The following PCDHAC1 variants were observed in gnomAD, a reference collection of about 807,000 sequenced individuals.
PCDHAC1 encodes protocadherin alpha subfamily C, 1.
A neutral mutation model predicts 60.0 loss-of-function variants in PCDHAC1; 42 were observed. The ratio of observed to expected loss-of-function variants is 0.70; its 90% CI spans 0.55 to 0.90. The LOEUF (loss-of-function observed/expected upper bound fraction) is 0.90. Among genes scored for constraint, PCDHAC1 ranks in the 40% least tolerant of loss-of-function variants. PCDHAC1 has a pLI of 0.00. For synonymous variants in PCDHAC1, 468 were observed against 499.3 expected, an observed-to-expected ratio of 0.94 and a Z score of 0.84; for missense variants, 1,160 against 1,222.3, an observed-to-expected ratio of 0.95 and a Z score of 0.76.
intron 1 of PCDHAC1, among the ~76,000 whole-genome samples, chr5:140,950,208 C>G (rs1377059178): frequency 1.3e-5 from 2 of 151,900 alleles, no homozygotes; most frequent in Non-Finnish European, 2.9e-5. Context: ...TTCTGTTTAC[C>G]TAGTCATTTA....
At chr5:140,972,334 A>G (rs2153793460) in intron 1 of PCDHAC1, among the ~76,000 whole-genome samples, 1 of 151,024 alleles carries the variant, frequency 6.6e-6, no homozygotes, top group Admixed American at 6.6e-5. Flanking sequence ...TTTTTGGAAG[A>G]GATGGGGGTC....
chr5:141,010,124 G>A lies in PCDHAC1; in HGVS notation c.*187G>A. ...GGTTTTGTCGTAAAAGCTTTACTAAGTCTGGTGTTAACTCTTTCTCTCCAC... is the reference window on the plus strand; with the variant it reads ...GGTTTTGTCGTAAAAGCTTTACTAAATCTGGTGTTAACTCTTTCTCTCCAC... On this transcript the variant is annotated 3_prime_UTR_variant, in exon 4 of 4. Coordinates refer to ENST00000253807, the MANE Select transcript of PCDHAC1 (RefSeq NM_018898.5). The A allele has an allele frequency of 1.2e-6, 2 of 1,605,172 alleles. No homozygotes were observed. The highest frequency in any genetic ancestry group is 1.7e-6 in the Non-Finnish European group (2 of 1,175,146).
chr5:140,980,824 A>G (rs2096907010), intron 2 of PCDHAC1, among the ~76,000 whole-genome samples: 1 of 152,192 alleles, frequency 6.6e-6, no homozygotes, highest in Non-Finnish European at 1.5e-5. Flanking sequence ...ATATTAAATG[A>G]GTTGTGAACC....
At chr5:140,990,314 C>G (rs1295117014) in intron 3 of PCDHAC1, among the ~76,000 whole-genome samples, 1 of 152,094 alleles carries the variant, frequency 6.6e-6, no homozygotes, top group East Asian at 1.9e-4. Flanking sequence ...AAAAAACCAA[C>G]CAAACAAACT....
rs144770143 is a variant in PCDHAC1 at position 140,947,157 on chromosome 5, G to A, written c.2433+17832G>A. Among the ~76,000 whole-genome samples the A allele has an allele frequency of 6.6e-3, 992 of 151,208 alleles. 6 individuals are homozygous for A. The highest frequency in any genetic ancestry group is 0.022 in the African/African-American group (913 of 41,346). ...TAAAATGTATAGTTACTTCCACGGG[G>A]TAGAAAATGTGGTATATATTCATGG... On this transcript the variant is annotated intron_variant, in intron 1 of 3. Transcript: ENST00000253807.
chr5:141,010,312 G>C lies in PCDHAC1; in HGVS notation c.*375G>C. On this transcript the variant is annotated 3_prime_UTR_variant, in exon 4 of 4. Transcript: ENST00000253807. ...TGCAGGGCAGGCTGAAAAGTTTTGA[G>C]ATTGAGCAGCTTGGGAGTTTGTGGC... is the stretch of plus-strand genomic sequence containing the variant. 1 of 1,547,400 alleles carries C rather than the reference G, an allele frequency of 6.5e-7. No individual in the cohort carries two copies. The highest frequency in any genetic ancestry group is 8.7e-7 in the Non-Finnish European group (1 of 1,145,752).
At chr5:140,993,571 G>A (rs1298531948) in intron 3 of PCDHAC1, among the ~76,000 whole-genome samples, 1 of 151,484 alleles carries the variant, frequency 6.6e-6, no homozygotes, top group Non-Finnish European at 1.5e-5. Flanking sequence ...TCCTTTCTAG[G>A]GATGCTTTTC....
At chr5:140,985,648 C>G (rs185772569) in intron 3 of PCDHAC1, among the ~76,000 whole-genome samples, 17 of 152,092 alleles carry the variant, frequency 1.1e-4, no homozygotes, top group African/African-American at 4.1e-4. Flanking sequence ...CCAACACTTG[C>G]AATGGCTGAA....
At chr5:140,983,641 C>T (rs1030470329) in intron 3 of PCDHAC1, among the ~76,000 whole-genome samples, 4 of 152,164 alleles carry the variant, frequency 2.6e-5, no homozygotes, top group Admixed American at 1.3e-4. Flanking sequence ...CCCAAGTTCA[C>T]GTAGCTTGTA....
At chr5:140,977,096 G>A (rs1401413424) in intron 1 of PCDHAC1, among the ~76,000 whole-genome samples, 1 of 152,182 alleles carries the variant, frequency 6.6e-6, no homozygotes, top group East Asian at 1.9e-4. Flanking sequence ...TGTGTCATTG[G>A]GGAAGTGAGA....
chr5:140,965,440 T>C (rs1028835719), intron 1 of PCDHAC1, among the ~76,000 whole-genome samples: 42 of 151,984 alleles, frequency 2.8e-4, no homozygotes, highest in Admixed American at 1.3e-4. Context: ...GTCATTGAAA[T>C]TGCTGGTTAT....
chr5:140,930,997 A>G (rs1355351475), intron 1 of PCDHAC1, among the ~76,000 whole-genome samples: 3 of 152,198 alleles, frequency 2.0e-5, no homozygotes, highest in Admixed American at 1.3e-4. Context: ...GACCTACACT[A>G]ATAACATAAC....
At chr5:140,996,752 G>T (rs1454271001) in intron 3 of PCDHAC1, among the ~76,000 whole-genome samples, 4 of 152,090 alleles carry the variant, frequency 2.6e-5, no homozygotes, top group African/African-American at 7.2e-5. Context: ...AATTATATCT[G>T]TGCAGGACTA....
Position 140,972,810 on chromosome 5 carries a change from C to T in PCDHAC1, c.2434-6139C>T, listed in dbSNP as rs546110006. 7.2e-5 allele frequency among the ~76,000 whole-genome samples: 11 copies of T among 151,984 alleles called. No homozygotes were observed. In the East Asian group the frequency reaches 9.7e-4, roughly 13 times the overall value. On this transcript the variant is annotated intron_variant, in intron 1 of 3. Transcript: ENST00000253807. ...TCCTGAGTAGCTGAGATTACAGGCA[C>T]GCGCCACCACGCCTGGCTAATTTTT...
chr5:140,962,554 C>T lies in PCDHAC1; in HGVS notation c.2434-16395C>T, dbSNP rs567554880. ...TTAGAACTAAAAATGTAGAGGATCTCCCCCTAAAAGCCAATTGTTAATGCC... is the reference window on the plus strand; with the variant it reads ...TTAGAACTAAAAATGTAGAGGATCTTCCCCTAAAAGCCAATTGTTAATGCC... On this transcript the variant is annotated intron_variant, in intron 1 of 3. Transcript: ENST00000253807. 3.9e-5 allele frequency among the ~76,000 whole-genome samples: 6 copies of T among 152,284 alleles called. No individual in the cohort carries two copies. The South Asian group carries it at 1.2e-3, about 32-fold the overall frequency.
At chr5:140,954,919 C>A (rs246021) in intron 1 of PCDHAC1, among the ~76,000 whole-genome samples, 85,722 of 151,952 alleles carry the variant, frequency 0.56, 24,790 homozygotes, top group African/African-American at 0.69. Flanking sequence ...TTATGAATTA[C>A]GTCTTTAATT....
intron 1 of PCDHAC1, chr5:140,969,096 A>T: frequency 6.2e-7 from 1 of 1,614,162 alleles, no homozygotes; most frequent in Non-Finnish European, 8.5e-7. Flanking sequence ...GTGCAGCCTC[A>T]CTTCATTGAA....
At chr5:140,988,294 G>A (rs2097291713) in intron 3 of PCDHAC1, among the ~76,000 whole-genome samples, 1 of 152,206 alleles carries the variant, frequency 6.6e-6, no homozygotes, top group South Asian at 2.1e-4. Context: ...TGACAGCCCA[G>A]GAGTGCCAGC....
At chr5:140,944,617 G>A (rs374007868) in intron 1 of PCDHAC1, among the ~76,000 whole-genome samples, 6 of 152,192 alleles carry the variant, frequency 3.9e-5, no homozygotes, top group African/African-American at 1.4e-4. Flanking sequence ...TGCTGTAGAA[G>A]TATAGTGTTG....
Sources: allele counts gnomAD v4.1 joint callset (sites outside exome capture counted in the v4.1 genomes callset), GRCh38; gene constraint gnomAD v4.1.1; transcripts MANE v1.5; gene names NCBI Gene and HGNC (gene_info 2026-07-23, HGNC 2026-07-21).